PARD3B: variants seen among roughly 807,000 people sequenced by gnomAD.
PARD3B encodes the protein par-3 family cell polarity regulator beta.
In PARD3B, 103 loss-of-function variants were observed where a neutral mutation model predicts 130.2. The observed-to-expected ratio is 0.79, with a 90% CI of 0.67 to 0.93. The LOEUF is 0.93. Ranked by LOEUF, PARD3B falls within the 40% of genes least tolerant of loss-of-function variation. The pLI is 0.00. For synonymous variants in PARD3B, 583 were observed against 553.2 expected (o/e 1.05, Z -0.76); for missense variants, 1,609 against 1,499.2 (o/e 1.07, Z -1.21).
intron 21 of PARD3B, among the ~76,000 whole-genome samples, chr2:205,521,788 C>T (rs545805839): frequency 6.6e-4 from 101 of 152,122 alleles, no homozygotes; most frequent in African/African-American, 2.4e-3. Context: ...CTGTTTTATA[C>T]AGAAGGGTTA....
chr2:205,478,258 C>T (rs368899557), intron 20 of PARD3B, among the ~76,000 whole-genome samples: 4 of 152,162 alleles, frequency 2.6e-5, no homozygotes, highest in African/African-American at 9.7e-5. Flanking sequence ...ACTAGGGGCG[C>T]CCCCATTACC....
At chr2:204,632,210 T>C (rs999764936) in intron 1 of PARD3B, among the ~76,000 whole-genome samples, 1 of 152,162 alleles carries the variant, frequency 6.6e-6, no homozygotes, top group Non-Finnish European at 1.5e-5. Context: ...GCTCCCACCA[T>C]GTCAGACGCC....
rs1347225515 is a variant in PARD3B at position 205,263,097 on chromosome 2, G to A, written c.2185+17275G>A. 6.6e-6 allele frequency among the ~76,000 whole-genome samples: 1 copy of A among 151,932 alleles called. No homozygotes were observed. The highest frequency in any genetic ancestry group is 1.9e-4 in the East Asian group (1 of 5,182). On this transcript the variant is annotated intron_variant, in intron 16 of 22. Coordinates refer to ENST00000406610, the MANE Select transcript of PARD3B (RefSeq NM_001302769.2). This position sits in a 1 kb window ranked among gnomAD's most constrained non-coding sequence, Gnocchi z 4.0. Reference sequence around the variant, plus strand: ...AAATAACAGAGTAAGAAGAGATGAAGGAAAAGAGGTGGATATTAGAGAAGA... The same window carrying A: ...AAATAACAGAGTAAGAAGAGATGAAAGAAAAGAGGTGGATATTAGAGAAGA...
intron 14 of PARD3B, among the ~76,000 whole-genome samples, chr2:205,190,135 C>T (rs921694872): frequency 2.6e-5 from 4 of 152,142 alleles, no homozygotes; most frequent in African/African-American, 7.2e-5. Context: ...GTTACTGCAT[C>T]GAGTGTCATT....
At chr2:205,271,280 C>A (rs1393774395) in intron 16 of PARD3B, among the ~76,000 whole-genome samples, 1 of 152,148 alleles carries the variant, frequency 6.6e-6, no homozygotes, top group Non-Finnish European at 1.5e-5. Flanking sequence ...AGATTGCTAC[C>A]AGGCAAGGAC....
intron 4 of PARD3B, among the ~76,000 whole-genome samples, chr2:205,081,407 T>A (rs898079341): frequency 1.3e-5 from 2 of 152,134 alleles, no homozygotes; most frequent in African/African-American, 4.8e-5. Context: ...CTTTCTAGTC[T>A]ATGCCATTGT....
rs114772262 is a variant in PARD3B at position 204,629,920 on chromosome 2, C to T, written c.121-56261C>T. On this transcript the variant is annotated intron_variant, in intron 1 of 22. Coordinates refer to ENST00000406610, the MANE Select transcript of PARD3B (RefSeq NM_001302769.2). ...GTCAAGAAATATTTAACAAATATAC[C>T]GAAAAGTTATTGATGTGTATATGCA... is the stretch of plus-strand genomic sequence containing the variant. Among the ~76,000 whole-genome samples, 1,336 of 151,872 alleles carry T rather than the reference C, an allele frequency of 8.8e-3. 18 individuals are homozygous for T. The highest frequency in any genetic ancestry group is 0.031 in the African/African-American group (1,278 of 41,392).
intron 22 of PARD3B, among the ~76,000 whole-genome samples, chr2:205,571,788 G>T (rs1340740818): frequency 1.3e-5 from 2 of 152,218 alleles, no homozygotes; most frequent in African/African-American, 2.4e-5. Context: ...ATTCTCCCCA[G>T]TGCCTAAGTC....
intron 2 of PARD3B, among the ~76,000 whole-genome samples, chr2:204,863,448 C>T (rs1326596001): frequency 6.6e-6 from 1 of 152,180 alleles, no homozygotes; most frequent in East Asian, 1.9e-4. Flanking sequence ...CATTGTCAGA[C>T]ACTAGGCATT....
chr2:205,373,948 C>T (rs1199947578), intron 18 of PARD3B, among the ~76,000 whole-genome samples: 2 of 152,118 alleles, frequency 1.3e-5, no homozygotes, highest in African/African-American at 2.4e-5. Context: ...TCGGTAATCT[C>T]TTTTCTTATT....
At chr2:204,965,372 A>C (rs1346071199) in intron 3 of PARD3B, 49 bp downstream of exon 3, 18 of 1,548,330 alleles carry the variant, frequency 1.2e-5, no homozygotes, top group Non-Finnish European at 1.6e-5. Flanking sequence ...AAGATCCGTC[A>C]TCTTGTTGAT....
At chr2:205,449,564 T>C (rs1196011970) in intron 20 of PARD3B, among the ~76,000 whole-genome samples, 2 of 152,164 alleles carry the variant, frequency 1.3e-5, no homozygotes, top group African/African-American at 4.8e-5. Flanking sequence ...TTTTCGTAAA[T>C]AATGTGTCCA....
At position 205,258,205 on chromosome 2, in the gene PARD3B, G is replaced by A. The variant is rs960566424; in HGVS notation, c.2185+12383G>A. On this transcript the variant is annotated intron_variant, in intron 16 of 22. Transcript: ENST00000406610. This position sits in a 1 kb window ranked among gnomAD's most constrained non-coding sequence, Gnocchi z 4.9. ...TCTTAAGCCCTGACATTTACCAGCA[G>A]GAAATCAGGTTGATCCCACAAGAAT... Among the ~76,000 whole-genome samples the A allele has an allele frequency of 6.6e-6, 1 of 152,086 alleles. No homozygotes were observed. Among genetic ancestry groups the A allele is most frequent in the Non-Finnish European group, 1.5e-5 (1 of 68,016 alleles).
At chr2:204,924,434 A>AT (rs1192582424) in intron 2 of PARD3B, among the ~76,000 whole-genome samples, 10 of 152,130 alleles carry the variant, frequency 6.6e-5, no homozygotes, top group South Asian at 2.1e-4. Flanking sequence ...AATTTTACAG[A>AT]TTTTTTCTTT....
chr2:205,604,197 G>A (rs73062224), intron 22 of PARD3B, among the ~76,000 whole-genome samples: 2,503 of 152,074 alleles, frequency 0.016, 63 homozygotes, highest in African/African-American at 0.056. Context: ...TGGCTTGTAG[G>A]GTGTATTAGT....
Position 205,176,530 on chromosome 2 carries a change from G to A in PARD3B, c.1877G>A (p.Ser626Asn). 1.2e-6 allele frequency: 2 copies of A among 1,612,530 alleles called. No individual in the cohort carries two copies. The highest frequency in any genetic ancestry group is 1.7e-6 in the Non-Finnish European group (2 of 1,179,054). ...AVTTSRRNDN[S>N]ILHPLGTCSP... ...ACCACCTCTAGGCGAAATGATAATA[G>A]TATCCTGCATCCACTTGGCACTTGC... The change falls in exon 13 of 23, where the codon AGT becomes AAT. Residue 626 changes from serine to asparagine, a missense_variant. Physicochemically the swap from Ser to Asn is conservative, Grantham distance 46. Transcript: ENST00000406610. This position sits in a 1 kb window ranked among gnomAD's most constrained non-coding sequence, Gnocchi z 5.3.
chr2:205,578,672 C>A (rs1285961333), intron 22 of PARD3B, among the ~76,000 whole-genome samples: 3 of 152,156 alleles, frequency 2.0e-5, no homozygotes, highest in Admixed American at 6.5e-5. Flanking sequence ...CCAAAGCCAA[C>A]CTTTCAAGCT....
At chr2:204,908,118 C>T (rs974816846) in intron 2 of PARD3B, among the ~76,000 whole-genome samples, 7 of 152,172 alleles carry the variant, frequency 4.6e-5, no homozygotes, top group Non-Finnish European at 8.8e-5. Flanking sequence ...CCCCTTGGTG[C>T]TATCCTATAC....
intron 2 of PARD3B, among the ~76,000 whole-genome samples, chr2:204,949,801 T>A (rs549334978): frequency 3.3e-5 from 5 of 152,344 alleles, no homozygotes; most frequent in African/African-American, 9.6e-5. Flanking sequence ...GTCTATCTTA[T>A]TAGTCAAATG....
Sources: gnomAD v4.1 joint callset for allele counts (sites outside exome capture counted in the v4.1 genomes callset) on GRCh38, gnomAD v4.1.1 for gene constraint, Gnocchi (gnomAD v3.1) non-coding constraint, MANE v1.5 for transcripts, NCBI Gene and HGNC (gene_info 2026-07-23, HGNC 2026-07-21) for gene names.